Variants in NRK observed in about 807,000 individuals in gnomAD.
NRK encodes nik-related protein kinase.
A neutral mutation model predicts 125.2 loss-of-function variants in NRK; 67 were observed. The ratio of observed to expected loss-of-function variants is 0.54; its 90% CI spans 0.44 to 0.66. NRK has a LOEUF of 0.66. Ranked by LOEUF, NRK falls within the 30% of genes least tolerant of loss-of-function variation. NRK has a pLI of 0.00. For synonymous variants in NRK, 458 were observed against 429.0 expected (o/e 1.07, Z -0.84); for missense variants, 1,224 against 1,192.9 (o/e 1.03, Z -0.38).
intron 16 of NRK, among the ~76,000 whole-genome samples, chrX:105,919,111 AAT>A (rs1380811320): frequency 2.7e-5 from 3 of 110,578 alleles, no homozygotes; most frequent in Non-Finnish European, 5.7e-5. Context: ...AGTATTTGCA[AAT>A]ATATGTCTTT....
At chrX:105,866,802 AATTC>A (rs1405883429) in intron 2 of NRK, among the ~76,000 whole-genome samples, 2 of 112,366 alleles carry the variant, frequency 1.8e-5, no homozygotes, top group Non-Finnish European at 3.8e-5. Context: ...ATAGCATAAT[AATTC>A]ATAAATATTT....
chrX:105,894,719 C>T (rs938796723), intron 6 of NRK, among the ~76,000 whole-genome samples: 1 of 112,122 alleles, frequency 8.9e-6, no homozygotes, highest in Non-Finnish European at 1.9e-5. Flanking sequence ...TTAACACCTT[C>T]CTCAAAGGGT....
intron 6 of NRK, among the ~76,000 whole-genome samples, chrX:105,894,307 G>A (rs186340620): frequency 2.6e-4 from 29 of 112,136 alleles, no homozygotes; most frequent in African/African-American, 9.4e-4. Context: ...TGAGTCAGAA[G>A]AAGTCAGTAT....
At chrX:105,880,383 T>G in intron 3 of NRK, 128 bp downstream of exon 3, 1 of 273,926 alleles carries the variant, frequency 3.7e-6, no homozygotes, top group South Asian at 1.5e-4. Context: ...CAATCTGGAT[T>G]TATTATAGTT....
At chrX:105,874,670 G>A (rs758150265) in intron 2 of NRK, among the ~76,000 whole-genome samples, 15 of 111,817 alleles carry the variant, frequency 1.3e-4, no homozygotes, top group Admixed American at 1.3e-3. Flanking sequence ...TGCCCTGTAT[G>A]TGAGCAGTAT....
chrX:105,952,037 T>C (rs1181336943), intron 27 of NRK, among the ~76,000 whole-genome samples: 2 of 112,528 alleles, frequency 1.8e-5, no homozygotes, highest in Non-Finnish European at 3.8e-5. Context: ...AATTCTAGTC[T>C]GAAATTTGAC....
intron 2 of NRK, among the ~76,000 whole-genome samples, chrX:105,841,438 C>T (rs1241263842): frequency 1.8e-5 from 2 of 111,678 alleles, no homozygotes; most frequent in African/African-American, 3.2e-5. Context: ...TGTGTTATTT[C>T]AATTGTAGAA....
At chrX:105,841,391 C>G (rs6652932) in intron 2 of NRK, among the ~76,000 whole-genome samples, 128 of 111,616 alleles carry the variant, frequency 1.1e-3, no homozygotes, top group African/African-American at 3.8e-3. Context: ...TCCTCCTCTA[C>G]CAGAGCATAA....
chrX:105,848,310 C>T (rs994081150), intron 2 of NRK, among the ~76,000 whole-genome samples: 2 of 111,633 alleles, frequency 1.8e-5, no homozygotes, highest in Admixed American at 9.5e-5. Flanking sequence ...CCCACTCACT[C>T]AAGGTTTCCC....
At chrX:105,830,069 C>T (rs1325149504) in intron 1 of NRK, among the ~76,000 whole-genome samples, 1 of 109,060 alleles carries the variant, frequency 9.2e-6, no homozygotes, top group Admixed American at 9.9e-5. Flanking sequence ...ATCGGCTGGG[C>T]GCAGTGGCTC....
At chrX:105,897,765 G>C (rs899795748) in intron 7 of NRK, among the ~76,000 whole-genome samples, 6 of 111,987 alleles carry the variant, frequency 5.4e-5, no homozygotes, top group African/African-American at 1.9e-4. Flanking sequence ...GTTCTTGTTA[G>C]ATCCTCTAAA....
At chrX:105,896,163 A>G (rs758529727) in intron 7 of NRK, among the ~76,000 whole-genome samples, 61 of 112,179 alleles carry the variant, frequency 5.4e-4, no homozygotes, top group South Asian at 1.9e-3. Flanking sequence ...CCTTAAGCTC[A>G]TAGGGAACAA....
At chrX:105,924,620 T>A in intron 18 of NRK, 75 bp from the exon 19 acceptor site, 1 of 849,593 alleles carries the variant, frequency 1.2e-6, no homozygotes, top group South Asian at 2.4e-5. Context: ...CACATCCTAA[T>A]TCTGTTGTAC....
Position 105,897,755 on chromosome X carries a change from G to A in NRK, c.581-829G>A, listed in dbSNP as rs474383. 6.9e-3 allele frequency among the ~76,000 whole-genome samples: 777 copies of A among 111,869 alleles called. 8 individuals are homozygous for A. Among genetic ancestry groups the A allele is most frequent in the South Asian group, 0.059 (159 of 2,680 alleles). ...TTGTGGACATTTTTTTGTTGTTGTC[G>A]TTCTTGTTAGATCCTCTAAAACTGC... is the stretch of plus-strand genomic sequence containing the variant. On this transcript the variant is annotated intron_variant, in intron 7 of 28. Coordinates refer to ENST00000243300, the MANE Select transcript of NRK (RefSeq NM_198465.4).
intron 19 of NRK, among the ~76,000 whole-genome samples, chrX:105,933,593 A>G (rs1487961855): frequency 8.9e-6 from 1 of 111,961 alleles, no homozygotes; most frequent in Non-Finnish European, 1.9e-5. Context: ...AGCCAGCTAC[A>G]TTTTCAGTGA....
chrX:105,929,542 CTG>C (rs199815613), intron 19 of NRK, among the ~76,000 whole-genome samples: 5,709 of 110,547 alleles, frequency 0.052, 382 homozygotes, highest in African/African-American at 0.18. Flanking sequence ...ACACTTACTC[CTG>C]TCATTTCGTT....
At chrX:105,863,106 C>G (rs1382780606) in intron 2 of NRK, among the ~76,000 whole-genome samples, 1 of 111,437 alleles carries the variant, frequency 9.0e-6, no homozygotes, top group African/African-American at 3.3e-5. Flanking sequence ...AAACCTCAGC[C>G]CAGGCTTTTG....
At position 105,952,835 on chromosome X, in the gene NRK, C is replaced by G. The variant is rs976805630; in HGVS notation, c.4514-199C>G. On this transcript the variant is annotated intron_variant, in intron 27 of 28. Transcript: ENST00000243300. ...TAATTAAATGTTGATTACAATGGTG[C>G]CTTTAGATAGCCAGTTTGAACACCA... Among the ~76,000 whole-genome samples, 3 of 111,501 alleles carry G rather than the reference C, an allele frequency of 2.7e-5. No homozygotes were observed. The South Asian group carries it at 1.1e-3, about 42-fold the overall frequency.
In NRK at chrX:105,955,435, A is replaced by G. The variant is rs141555815; in HGVS notation, c.4654-70A>G. 2,710 of 585,641 alleles carry G rather than the reference A, an allele frequency of 4.6e-3. 38 individuals are homozygous for G. The African/African-American group carries it at 0.054, about 12-fold the overall frequency. 48.3% of individuals were successfully genotyped at this position (585,641 alleles called of 1,213,427 possible). On this transcript the variant is annotated intron_variant, in intron 28 of 28. Coordinates refer to ENST00000243300, the MANE Select transcript of NRK (RefSeq NM_198465.4). ...TTAATTAGCAGATGCAGATAAAATTATAGTTATATGAAATATCTGGTTGCA... is the reference window on the plus strand; with the variant it reads ...TTAATTAGCAGATGCAGATAAAATTGTAGTTATATGAAATATCTGGTTGCA...
Sources: allele counts gnomAD v4.1 joint callset (sites outside exome capture counted in the v4.1 genomes callset), GRCh38; gene constraint gnomAD v4.1.1; transcripts MANE v1.5; gene names NCBI Gene and HGNC (gene_info 2026-07-23, HGNC 2026-07-21).